The following SPIDR variants were observed in gnomAD, a reference collection of about 807,000 sequenced individuals.
The protein encoded by SPIDR is scaffold protein involved in DNA repair.
In SPIDR, 93 loss-of-function variants were observed where a neutral mutation model predicts 104.6. The observed-to-expected ratio is 0.89, with a 90% CI of 0.75 to 1.06. The LOEUF is 1.06. Ranked by LOEUF, SPIDR falls within the 50% of genes least tolerant of loss-of-function variation. The pLI, the probability that SPIDR is intolerant of heterozygous loss-of-function variation, is 0.00. For missense variants in SPIDR, 1,154 were observed against 1,111.2 expected, an observed-to-expected ratio of 1.04 and a Z score of -0.55; for synonymous variants, 431 against 416.9, an observed-to-expected ratio of 1.03 and a Z score of -0.41.
chr8:47,576,932 ACC>A (rs2059196493), intron 8 of SPIDR, among the ~76,000 whole-genome samples: 1 of 152,204 alleles, frequency 6.6e-6, no homozygotes, highest in Non-Finnish European at 1.5e-5. Flanking sequence ...TCTGTATTTG[ACC>A]TGCCATACAA....
chr8:47,645,293 T>C (rs562800781), intron 10 of SPIDR, among the ~76,000 whole-genome samples: 2 of 152,274 alleles, frequency 1.3e-5, no homozygotes, highest in East Asian at 1.9e-4. Context: ...TTTAGAGATA[T>C]GGTTTACAGT....
rs189102012 is a variant in SPIDR at position 47,470,239 on chromosome 8, A to G, written c.1097+29697A>G. ...ATGGCATAGAATAGAGGGCCCACAA[A>G]TAAGAACTCTTACATATATGGTGAA... On this transcript the variant is annotated intron_variant, in intron 8 of 19. Coordinates refer to ENST00000297423, the MANE Select transcript of SPIDR (RefSeq NM_001080394.4). 4.4e-3 allele frequency among the ~76,000 whole-genome samples: 664 copies of G among 152,264 alleles called. 6 individuals are homozygous for G. The highest frequency in any genetic ancestry group is 0.015 in the African/African-American group (619 of 41,546).
intron 8 of SPIDR, among the ~76,000 whole-genome samples, chr8:47,541,632 C>T (rs1233320984): frequency 1.3e-5 from 2 of 152,176 alleles, no homozygotes; most frequent in African/African-American, 4.8e-5. Context: ...CACAGTGACT[C>T]ACACCTGGAA....
At chr8:47,589,747 G>T (rs1475258181) in intron 8 of SPIDR, among the ~76,000 whole-genome samples, 1 of 152,054 alleles carries the variant, frequency 6.6e-6, no homozygotes, top group Non-Finnish European at 1.5e-5. Context: ...TCTTATTCTT[G>T]ATATTGGTAA....
chr8:47,319,364 G>T (rs1254203410), intron 5 of SPIDR, among the ~76,000 whole-genome samples: 1 of 152,172 alleles, frequency 6.6e-6, no homozygotes, highest in Admixed American at 6.5e-5. Flanking sequence ...TTATGTAATG[G>T]TAAAGGGATC....
At position 47,389,359 on chromosome 8, in the gene SPIDR, CA is replaced by C. The variant is rs372637003; in HGVS notation, c.526-7014del. Among the ~76,000 whole-genome samples, 130 of 152,066 alleles carry C rather than the reference CA, an allele frequency of 8.5e-4. 1 individual carries two copies. The highest frequency in any genetic ancestry group is 2.8e-3 in the African/African-American group (117 of 41,492). On this transcript the variant is annotated intron_variant, in intron 5 of 19. Coordinates refer to ENST00000297423, the MANE Select transcript of SPIDR (RefSeq NM_001080394.4). The stretch of plus-strand genomic sequence containing the variant: ...TTGTTCTTGAAATTCATCATTTGCG[CA>C]AAGTAATTTTTTTTGTAAGGATGAT...
chr8:47,354,479 AT>A (rs880000672), intron 5 of SPIDR, among the ~76,000 whole-genome samples: 11 of 151,694 alleles, frequency 7.3e-5, no homozygotes, highest in Non-Finnish European at 1.2e-4. Flanking sequence ...TATTTAAATA[AT>A]TTTTTTTAAA....
At chr8:47,454,695 T>C (rs144566325) in intron 8 of SPIDR, among the ~76,000 whole-genome samples, 1 of 151,918 alleles carries the variant, frequency 6.6e-6, no homozygotes, top group East Asian at 1.9e-4. Context: ...CTGAAAACAA[T>C]ATCTTTAAGA....
At chr8:47,570,040 G>C (rs906497505) in intron 8 of SPIDR, among the ~76,000 whole-genome samples, 3 of 152,126 alleles carry the variant, frequency 2.0e-5, no homozygotes, top group Non-Finnish European at 4.4e-5. Flanking sequence ...ATTCCTATTA[G>C]AATCCCATCT....
intron 8 of SPIDR, among the ~76,000 whole-genome samples, chr8:47,493,576 C>G (rs1368016126): frequency 6.6e-6 from 1 of 152,044 alleles, no homozygotes; most frequent in East Asian, 1.9e-4. Context: ...AATTGCAAAC[C>G]CTGATGGCTG....
intron 5 of SPIDR, among the ~76,000 whole-genome samples, chr8:47,370,516 G>A (rs1179757312): frequency 1.4e-5 from 2 of 147,476 alleles, no homozygotes; most frequent in African/African-American, 2.5e-5. Flanking sequence ...GTGCGATCTG[G>A]GCTCACTGCA....
chr8:47,432,455 AC>A (rs2067534155), intron 7 of SPIDR, among the ~76,000 whole-genome samples: 1 of 152,192 alleles, frequency 6.6e-6, no homozygotes. Context: ...AGAGTCCCCC[AC>A]ATGCTTTACA....
intron 8 of SPIDR, among the ~76,000 whole-genome samples, chr8:47,540,972 G>A (rs1011465487): frequency 1.1e-4 from 17 of 152,052 alleles, no homozygotes; most frequent in African/African-American, 4.1e-4. Context: ...CGATTTTCCT[G>A]CCTCAGCCTC....
At position 47,291,085 on chromosome 8, in the gene SPIDR, C is replaced by T. The variant is rs1443663187; in HGVS notation, c.309C>T (p.Ser103=). ...TSGLTDITWS[S]SGSDLSDEDK... ...GGCTTACAGACATAACATGGAGCTC[C>T]AGTGGAAGTGATTTGTCGGATGAAG... Residue 103 remains serine (S), a synonymous_variant, in exon 4 of 20, where the codon TCC becomes TCT. Transcript: ENST00000297423. The T allele has an allele frequency of 1.3e-5, 21 of 1,613,174 alleles. No individual in the cohort carries two copies. Among genetic ancestry groups the T allele is most frequent in the Non-Finnish European group, 1.7e-5 (20 of 1,179,452 alleles).
At chr8:47,674,970 G>T (rs1316428934) in intron 11 of SPIDR, among the ~76,000 whole-genome samples, 3 of 152,122 alleles carry the variant, frequency 2.0e-5, no homozygotes, top group Admixed American at 6.5e-5. Flanking sequence ...CATTTTCATT[G>T]ATCTGTATAG....
intron 5 of SPIDR, among the ~76,000 whole-genome samples, chr8:47,317,464 C>T (rs1166476244): frequency 1.3e-5 from 2 of 152,176 alleles, no homozygotes; most frequent in Non-Finnish European, 2.9e-5. Context: ...GAAGCTGGAA[C>T]TGGATGGAGC....
rs777561291 is a variant in SPIDR, at chr8:47,712,752, C to T, written c.2068C>T (p.Leu690Phe). 2 of 1,614,056 alleles carry T rather than the reference C, an allele frequency of 1.2e-6. No individual in the cohort carries two copies. The highest frequency in any genetic ancestry group is 1.7e-5 in the Admixed American group (1 of 60,006). ...LQTKEERDPRLPKTLLVYVAP... is the reference protein window; with the variant it reads ...LQTKEERDPRFPKTLLVYVAP... Reference sequence around the variant, plus strand: ...AACGAAGGAGGAGAGAGACCCCAGGCTCCCCAAAACCCTGCTGGTCTATGT... The same window carrying T: ...AACGAAGGAGGAGAGAGACCCCAGGTTCCCCAAAACCCTGCTGGTCTATGT... Residue 690 changes from leucine to phenylalanine, a missense_variant, in exon 15 of 20, where the codon CTC becomes TTC. Leu to Phe is a conservative substitution (Grantham distance 22). Transcript: ENST00000297423.
chr8:47,341,252 A>G (rs1350433451), intron 5 of SPIDR, among the ~76,000 whole-genome samples: 1 of 152,234 alleles, frequency 6.6e-6, no homozygotes, highest in African/African-American at 2.4e-5. Flanking sequence ...ATATTTGTCT[A>G]TGCCATTTAA....
At chr8:47,319,528 C>G (rs966757249) in intron 5 of SPIDR, among the ~76,000 whole-genome samples, 1 of 152,138 alleles carries the variant, frequency 6.6e-6, no homozygotes, top group African/African-American at 2.4e-5. Context: ...CAACATTAGA[C>G]AGATCAGTGA....
Sources: gnomAD v4.1 joint callset for allele counts (sites outside exome capture counted in the v4.1 genomes callset) on GRCh38, gnomAD v4.1.1 for gene constraint, MANE v1.5 for transcripts, NCBI Gene and HGNC (gene_info 2026-07-23, HGNC 2026-07-21) for gene names.